WDR17: variants seen among roughly 807,000 people sequenced by gnomAD.
The protein encoded by WDR17 is WD repeat-containing protein 17.
A neutral mutation model predicts 161.7 loss-of-function variants in WDR17; 143 were observed. The ratio of observed to expected loss-of-function variants is 0.88; its 90% confidence interval spans 0.77 to 1.02. The LOEUF (loss-of-function observed/expected upper bound fraction) is 1.02, where lower values mean the gene tolerates loss of function less well. Among genes scored for constraint, WDR17 ranks in the 50% least tolerant of loss-of-function variants. WDR17 has a pLI of 0.00. For synonymous variants in WDR17, 517 were observed against 515.6 expected, an observed-to-expected ratio of 1.00 and a Z score of -0.04; for missense variants, 1,469 against 1,520.9, an observed-to-expected ratio of 0.97 and a Z score of 0.57.
At chr4:176,093,017 G>A (rs748386596) in intron 1 of WDR17, among the ~76,000 whole-genome samples, 11 of 152,268 alleles carry the variant, frequency 7.2e-5, no homozygotes, top group Non-Finnish European at 1.5e-4. Context: ...ACTCCAGCCT[G>A]GGTGACAGAG....
At chr4:176,142,173 T>A in intron 11 of WDR17, 104 bp downstream of exon 11, 1 of 782,640 alleles carries the variant, frequency 1.3e-6, no homozygotes. Context: ...ATCACTCTAT[T>A]TATACAATAT....
intron 4 of WDR17, among the ~76,000 whole-genome samples, chr4:176,122,397 C>T (rs1381940410): frequency 6.6e-6 from 1 of 152,110 alleles, no homozygotes; most frequent in African/African-American, 2.4e-5. Context: ...TGAGAGAGCA[C>T]AGTTCAACCC....
rs373670985 is a variant in WDR17, at chr4:176,134,647, C to A, written c.1099-461C>A. 2.0e-5 allele frequency among the ~76,000 whole-genome samples: 3 copies of A among 151,426 alleles called. No individual in the cohort carries two copies. The East Asian group carries it at 5.8e-4, about 29-fold the overall frequency. On this transcript the variant is annotated intron_variant, in intron 7 of 28. Transcript: ENST00000508596. Reference sequence around the variant, plus strand: ...AAAATTATGAGGTGCTTTTGGAGTACGTTATTAGTATAAAAAAGGAATATT... The same window carrying A: ...AAAATTATGAGGTGCTTTTGGAGTAAGTTATTAGTATAAAAAAGGAATATT...
chr4:176,147,990 A>G, intron 12 of WDR17, 143 bp from the exon 13 acceptor site: 1 of 513,402 alleles, frequency 1.9e-6, no homozygotes, highest in Non-Finnish European at 3.2e-6. Flanking sequence ...TTTTAAATTA[A>G]AATGAAGAGA....
At chr4:176,093,003 CT>C (rs1165284381) in intron 1 of WDR17, among the ~76,000 whole-genome samples, 1 of 152,076 alleles carries the variant, frequency 6.6e-6, no homozygotes, top group Admixed American at 6.6e-5. Flanking sequence ...GATTGTGCCA[CT>C]ACACTCCAGC....
intron 1 of WDR17, among the ~76,000 whole-genome samples, chr4:176,092,785 T>G (rs1736294630): frequency 6.6e-6 from 1 of 152,164 alleles, no homozygotes. Context: ...CTCACGTCTG[T>G]AATCTCAGCA....
intron 1 of WDR17, among the ~76,000 whole-genome samples, chr4:176,072,873 T>C (rs1733420445): frequency 6.6e-6 from 1 of 152,316 alleles, no homozygotes; most frequent in Admixed American, 6.5e-5. Flanking sequence ...CTTGAATCTC[T>C]GCATCCTGGT....
intron 1 of WDR17, among the ~76,000 whole-genome samples, chr4:176,093,148 G>A (rs1379755769): frequency 6.6e-6 from 1 of 152,052 alleles, no homozygotes; most frequent in Non-Finnish European, 1.5e-5. Flanking sequence ...AGAAGTGAAA[G>A]AGTCTATAAT....
intron 1 of WDR17, among the ~76,000 whole-genome samples, chr4:176,111,039 T>G (rs929319835): frequency 6.6e-6 from 1 of 152,236 alleles, no homozygotes; most frequent in Non-Finnish European, 1.5e-5. Context: ...AAATAGATTT[T>G]GTGAGGATGA....
intron 20 of WDR17, among the ~76,000 whole-genome samples, chr4:176,161,784 G>A (rs1398469457): frequency 1.3e-5 from 2 of 152,070 alleles, no homozygotes; most frequent in African/African-American, 4.8e-5. Flanking sequence ...ATTCTTCTAC[G>A]CTTAACTTCC....
At chr4:176,066,676 T>C (rs559380904) in intron 1 of WDR17, among the ~76,000 whole-genome samples, 11 of 152,286 alleles carry the variant, frequency 7.2e-5, no homozygotes, top group African/African-American at 2.6e-4. Flanking sequence ...TTTTTAAATA[T>C]ATTAATTAAA....
intron 1 of WDR17, among the ~76,000 whole-genome samples, chr4:176,090,295 T>A (rs1735955223): frequency 6.6e-6 from 1 of 151,924 alleles, no homozygotes; most frequent in South Asian, 2.1e-4. Flanking sequence ...CCTTCCTCTT[T>A]TCTTGCTCCC....
At chr4:176,173,493 A>G in intron 25 of WDR17, 124 bp downstream of exon 25, 2 of 570,130 alleles carry the variant, frequency 3.5e-6, no homozygotes, top group Non-Finnish European at 6.0e-6. Context: ...ACTTGTAGAA[A>G]TATTATATTT....
At chr4:176,111,411 G>C in intron 1 of WDR17, 164 bp from the exon 2 acceptor site, 1 of 556,516 alleles carries the variant, frequency 1.8e-6, no homozygotes, top group East Asian at 3.6e-5. Flanking sequence ...CAGACATTTA[G>C]GGAGTTCAAC....
At chr4:176,095,120 A>C (rs1205737403) in intron 1 of WDR17, among the ~76,000 whole-genome samples, 1 of 152,144 alleles carries the variant, frequency 6.6e-6, no homozygotes, top group African/African-American at 2.4e-5. Context: ...TAGGGTAAAA[A>C]AAGCTGATGG....
chr4:176,160,856 G>A (rs1352899583), intron 19 of WDR17, 55 bp from the exon 20 acceptor site: 2 of 1,381,990 alleles, frequency 1.4e-6, no homozygotes, highest in East Asian at 4.8e-5. Context: ...ATTCTGAAAT[G>A]TGTCAATTAT....
intron 2 of WDR17, among the ~76,000 whole-genome samples, chr4:176,112,497 C>T (rs1179956928): frequency 6.6e-6 from 1 of 152,204 alleles, no homozygotes; most frequent in Non-Finnish European, 1.5e-5. Flanking sequence ...TCCTGCCTCT[C>T]TCTTACTCTG....
chr4:176,161,809 A>G (rs1197420210), intron 20 of WDR17, among the ~76,000 whole-genome samples: 1 of 152,216 alleles, frequency 6.6e-6, no homozygotes, highest in Non-Finnish European at 1.5e-5. Context: ...TGGCTGAATC[A>G]TAAATTGTCC....
At chr4:176,124,553 T>G (rs573369319) in intron 4 of WDR17, among the ~76,000 whole-genome samples, 4 of 152,264 alleles carry the variant, frequency 2.6e-5, no homozygotes, top group African/African-American at 9.6e-5. Flanking sequence ...TAATCGGTTT[T>G]AAAACTCTGT....
Sources: gnomAD v4.1 joint callset for allele counts (sites outside exome capture counted in the v4.1 genomes callset) on GRCh38, gnomAD v4.1.1 for gene constraint, MANE v1.5 for transcripts, NCBI Gene and HGNC (gene_info 2026-07-23, HGNC 2026-07-21) for gene names.